ANK1: variants seen among roughly 807,000 people sequenced by gnomAD.
The protein encoded by ANK1 is ankyrin 1.
A neutral mutation model predicts 210.4 loss-of-function variants in ANK1; 51 were observed. The ratio of observed to expected loss-of-function variants is 0.24; its 90% CI spans 0.19 to 0.31. The LOEUF (loss-of-function observed/expected upper bound fraction) is 0.31. ANK1 is among the 10% of genes least tolerant of loss of function. The pLI is 1.00. For missense variants in ANK1, 2,051 were observed against 2,504.4 expected, an observed-to-expected ratio of 0.82 and a Z score of 3.86; for synonymous variants, 967 against 1,025.9, an observed-to-expected ratio of 0.94 and a Z score of 1.10.
chr8:41,742,038 G>A (rs1021600509), intron 2 of ANK1, among the ~76,000 whole-genome samples: 2 of 152,208 alleles, frequency 1.3e-5, no homozygotes, highest in Admixed American at 1.3e-4. Context: ...TCTGTGTGAT[G>A]GGCGGGGAAG....
rs1417655626 is a variant in ANK1, at chr8:41,661,461, CG to C, written c.*4del. 6.2e-7 allele frequency: 1 copy of C among 1,613,962 alleles called. No individual in the cohort carries two copies. On this transcript the variant is annotated 3_prime_UTR_variant, in exon 42 of 43. Transcript: ENST00000289734. ...AGAGGCTACTCCAAGGAGAGCGGCT[CG>C]GGGTCACTGTTTCCCCCTTTTCAGG...
At chr8:41,826,511 C>T (rs1460307086) in intron 1 of ANK1, among the ~76,000 whole-genome samples, 1 of 152,202 alleles carries the variant, frequency 6.6e-6, no homozygotes, top group South Asian at 2.1e-4. Flanking sequence ...GCACCCCAGG[C>T]TCACTGTGTG....
chr8:41,786,609 C>T (rs72640331), intron 1 of ANK1, among the ~76,000 whole-genome samples: 3,648 of 152,298 alleles, frequency 0.024, 67 homozygotes, highest in Non-Finnish European at 0.034. Context: ...TTAAGTACCA[C>T]TTTGTGCCTG....
chr8:41,785,538 C>A (rs1337952579), intron 1 of ANK1, among the ~76,000 whole-genome samples: 1 of 152,146 alleles, frequency 6.6e-6, no homozygotes, highest in Non-Finnish European at 1.5e-5. Context: ...CCTGTAGTGA[C>A]CTCACGGGAT....
intron 37 of ANK1, among the ~76,000 whole-genome samples, chr8:41,683,080 ACACACACACACATGCACGCACACATG>A (rs898715909): frequency 1.3e-5 from 2 of 151,104 alleles, no homozygotes. Flanking sequence ...GAACACGTGC[ACACACACACACATGCACGCACACATG>A]CACACACATA....
chr8:41,714,337 AT>A, intron 15 of ANK1, 83 bp from the exon 16 acceptor site: 2 of 1,035,138 alleles, frequency 1.9e-6, no homozygotes, highest in Non-Finnish European at 2.7e-6. Flanking sequence ...GGGAGCACCT[AT>A]TTTATACAGT....
chr8:41,864,880 A>T (rs1267600166), intron 1 of ANK1, among the ~76,000 whole-genome samples: 1 of 152,240 alleles, frequency 6.6e-6, no homozygotes, highest in East Asian at 1.9e-4. Flanking sequence ...TATCTTCATA[A>T]GCATTTCACA....
chr8:41,718,799 G>A (rs2150642368), intron 10 of ANK1, among the ~76,000 whole-genome samples: 1 of 152,290 alleles, frequency 6.6e-6, no homozygotes, highest in East Asian at 1.9e-4. Flanking sequence ...TTTATTGTCA[G>A]CTAGGGAAGG....
intron 38 of ANK1, among the ~76,000 whole-genome samples, chr8:41,670,950 C>T (rs1358086356): frequency 1.3e-5 from 2 of 152,218 alleles, no homozygotes; most frequent in African/African-American, 4.8e-5. Flanking sequence ...AACGTGAGCC[C>T]CATCTCATGT....
chr8:41,688,714 T>A, intron 33 of ANK1, 125 bp from the exon 34 acceptor site: 2 of 826,146 alleles, frequency 2.4e-6, no homozygotes, highest in African/African-American at 1.7e-5. Flanking sequence ...AATCAGTCCG[T>A]TTCTTCAGGG....
Position 41,704,352 on chromosome 8 carries a change from C to G in ANK1, c.2196+22G>C, listed in dbSNP as rs1360452037. The stretch of plus-strand genomic sequence containing the variant: ...CATGGAGAAGGGTCAGTGCAGGAGT[C>G]GGGGCTGGGGCACCCCTGTACCTTG... On this transcript the variant is annotated intron_variant, in intron 19 of 42. Coordinates refer to ENST00000289734, the MANE Select transcript of ANK1 (RefSeq NM_000037.4). This position sits in a 1 kb window ranked among gnomAD's most constrained non-coding sequence, Gnocchi z 4.1. The G allele has an allele frequency of 1.9e-6, 3 of 1,607,210 alleles. 1 individual carries two copies. The South Asian group carries it at 3.3e-5, about 18-fold the overall frequency.
chr8:41,658,810 T>C (rs1187216621), intron 42 of ANK1, among the ~76,000 whole-genome samples: 2 of 152,186 alleles, frequency 1.3e-5, no homozygotes, highest in East Asian at 1.9e-4. Flanking sequence ...GGAAGATCAC[T>C]TGAACCCGGG....
intron 1 of ANK1, among the ~76,000 whole-genome samples, chr8:41,791,768 C>T (rs13266063): frequency 0.24 from 37,069 of 152,054 alleles, 5,799 homozygotes; most frequent in Non-Finnish European, 0.33. Flanking sequence ...TCATTTCCCA[C>T]ATCTGGAAAG....
At chr8:41,809,017 G>T (rs949994912) in intron 1 of ANK1, among the ~76,000 whole-genome samples, 3 of 152,224 alleles carry the variant, frequency 2.0e-5, no homozygotes, top group Admixed American at 2.0e-4. Flanking sequence ...TCACCCAGCT[G>T]CATGACTGCC....
At position 41,797,528 on chromosome 8, in the gene ANK1, G is replaced by A; in HGVS notation, c.11C>T (p.Ser4Phe). 6.2e-7 allele frequency: 1 copy of A among 1,613,834 alleles called. No homozygotes were observed. Among genetic ancestry groups the A allele is most frequent in the Non-Finnish European group, 8.5e-7 (1 of 1,179,914 alleles). The change falls in exon 1 of 43, where the codon TCT becomes TTT. Residue 4 changes from serine to phenylalanine, a missense_variant. Transcript: ENST00000289734. The surrounding 1 kb of genome is among the most constrained non-coding windows in gnomAD (Gnocchi z 4.0). ...AGTACTCACTTCGCGGAAGCCCACA[G>A]AATAGGGCATGCCGGTCTTTCAGCA... MPY[S>F]VGFREADAAT... is the part of the protein sequence containing the mutation.
intron 1 of ANK1, among the ~76,000 whole-genome samples, chr8:41,761,312 C>A (rs535483982): frequency 6.6e-6 from 1 of 152,030 alleles, no homozygotes; most frequent in East Asian, 1.9e-4. Flanking sequence ...CACACACGCA[C>A]ACACATGCAC....
At chr8:41,773,404 G>A (rs1843351245) in intron 1 of ANK1, among the ~76,000 whole-genome samples, 1 of 152,174 alleles carries the variant, frequency 6.6e-6, no homozygotes, top group African/African-American at 2.4e-5. Context: ...CCCTGGAGGA[G>A]GGAGGGAAGG....
At chr8:41,759,903 G>A (rs1191933886) in intron 1 of ANK1, among the ~76,000 whole-genome samples, 1 of 152,172 alleles carries the variant, frequency 6.6e-6, no homozygotes, top group East Asian at 1.9e-4. Flanking sequence ...CCCACAGCAG[G>A]GAGGAGGCAC....
At chr8:41,843,206 A>T (rs1375710961) in intron 1 of ANK1, among the ~76,000 whole-genome samples, 1 of 152,198 alleles carries the variant, frequency 6.6e-6, no homozygotes, top group Non-Finnish European at 1.5e-5. Context: ...TATTTGTGCA[A>T]ATTCATGCGG....
Sources: allele counts gnomAD v4.1 joint callset (sites outside exome capture counted in the v4.1 genomes callset), GRCh38; gene constraint gnomAD v4.1.1; non-coding constraint Gnocchi (gnomAD v3.1); transcripts MANE v1.5; gene names NCBI Gene and HGNC (gene_info 2026-07-23, HGNC 2026-07-21).